The following DOCK1 variants were observed in gnomAD, a reference collection of about 807,000 sequenced individuals.
The protein encoded by DOCK1 is dedicator of cytokinesis 1.
DOCK1 carries 138 observed loss-of-function variants against 262.7 expected under a neutral mutation model. That is an observed-to-expected ratio of 0.53 (90% confidence interval 0.46 to 0.61). The LOEUF is 0.61. Among genes scored for constraint, DOCK1 ranks in the 20% least tolerant of loss-of-function variants. DOCK1 has a pLI of 0.00. For missense variants in DOCK1, 1,908 were observed against 2,370.7 expected, an observed-to-expected ratio of 0.80 and a Z score of 4.05; for synonymous variants, 866 against 867.4, an observed-to-expected ratio of 1.00 and a Z score of 0.03.
chr10:127,292,506 G>A (rs1409844215), intron 29 of DOCK1, among the ~76,000 whole-genome samples: 1 of 152,130 alleles, frequency 6.6e-6, no homozygotes, highest in Non-Finnish European at 1.5e-5. Flanking sequence ...GGAGCTTCAG[G>A]GTAGCATGCC....
At chr10:127,448,475 G>A (rs141084090) in intron 51 of DOCK1, among the ~76,000 whole-genome samples, 20 of 152,258 alleles carry the variant, frequency 1.3e-4, no homozygotes, top group African/African-American at 3.1e-4. Context: ...TCATCCCTGC[G>A]GGTCCCAGCC....
Position 127,127,663 on chromosome 10 carries a change from C to T in DOCK1, c.2752-6C>T, listed in dbSNP as rs1397426665. The T allele has an allele frequency of 1.2e-6, 2 of 1,610,086 alleles. No homozygotes were observed. Among genetic ancestry groups the T allele is most frequent in the Non-Finnish European group, 1.7e-6 (2 of 1,177,064 alleles). ...TGTTGGTGTTCATTGGTGTGTCCTT[C>T]CCCAGGGGCCAACCCAGAGGCACGT... On this transcript the variant is annotated splice_region_variant and splice_polypyrimidine_tract_variant and intron_variant, in intron 26 of 51. Transcript: ENST00000623213.
At chr10:126,921,025 C>T (rs996755281) in intron 1 of DOCK1, among the ~76,000 whole-genome samples, 4 of 152,088 alleles carry the variant, frequency 2.6e-5, no homozygotes, top group South Asian at 2.1e-4. Flanking sequence ...GGTGAAACCC[C>T]GTCTCTACTA....
intron 23 of DOCK1, among the ~76,000 whole-genome samples, chr10:127,104,729 A>G (rs1028738182): frequency 6.6e-6 from 1 of 152,208 alleles, no homozygotes; most frequent in East Asian, 1.9e-4. Context: ...ACACAGGTAG[A>G]AGGTGGCAGA....
At chr10:127,214,277 A>T (rs1483517218) in intron 27 of DOCK1, among the ~76,000 whole-genome samples, 1 of 152,134 alleles carries the variant, frequency 6.6e-6, no homozygotes, top group African/African-American at 2.4e-5. Context: ...CCCCCCGCCC[A>T]GCTGTGCACG....
chr10:127,150,257 T>C (rs908567034), intron 27 of DOCK1, among the ~76,000 whole-genome samples: 2 of 152,212 alleles, frequency 1.3e-5, no homozygotes, highest in Non-Finnish European at 1.5e-5. Context: ...ACTTCTATTC[T>C]TAAGCTTCTG....
intron 23 of DOCK1, among the ~76,000 whole-genome samples, chr10:127,091,707 G>A (rs878899820): frequency 7.2e-5 from 11 of 152,200 alleles, no homozygotes; most frequent in Non-Finnish European, 1.5e-4. Flanking sequence ...AGAGAAGAGC[G>A]TGTCAAAATG....
intron 27 of DOCK1, among the ~76,000 whole-genome samples, chr10:127,223,185 A>G (rs910734854): frequency 6.6e-6 from 1 of 152,202 alleles, no homozygotes; most frequent in Non-Finnish European, 1.5e-5. Context: ...ATTTAGTTTT[A>G]CTAATCTCAA....
At chr10:127,016,116 A>G (rs982102630) in intron 12 of DOCK1, 1 of 152,244 alleles carries the variant, frequency 6.6e-6, no homozygotes, top group African/African-American at 2.4e-5. Flanking sequence ...CCATGGAGTT[A>G]GTGTTTGACC....
intron 27 of DOCK1, among the ~76,000 whole-genome samples, chr10:127,209,100 C>A (rs1394470104): frequency 1.3e-5 from 2 of 152,196 alleles, no homozygotes; most frequent in Admixed American, 1.3e-4. Context: ...TAACTGGAAA[C>A]ACTGAAATTT....
intron 25 of DOCK1, among the ~76,000 whole-genome samples, chr10:127,120,651 G>C (rs2049500587): frequency 6.6e-6 from 1 of 152,112 alleles, no homozygotes; most frequent in Admixed American, 6.6e-5. Flanking sequence ...TGAAAAATGA[G>C]ATTCACATAC....
chr10:127,321,601 A>G (rs565765255), intron 29 of DOCK1, among the ~76,000 whole-genome samples: 7 of 151,652 alleles, frequency 4.6e-5, no homozygotes, highest in South Asian at 4.2e-4. Flanking sequence ...GGTCCCTCCT[A>G]TCCCCAAGGA....
chr10:126,927,594 G>A (rs1591343644), intron 1 of DOCK1, among the ~76,000 whole-genome samples: 1 of 152,050 alleles, frequency 6.6e-6, no homozygotes. Context: ...CCATCACCAT[G>A]CCCAGCCAAT....
intron 27 of DOCK1, among the ~76,000 whole-genome samples, chr10:127,132,473 G>C (rs1431836724): frequency 6.6e-6 from 1 of 152,160 alleles, no homozygotes; most frequent in Non-Finnish European, 1.5e-5. Context: ...TAGAAGCATG[G>C]AGTGAAATAC....
At chr10:127,317,111 C>T (rs568036305) in intron 29 of DOCK1, among the ~76,000 whole-genome samples, 1 of 152,230 alleles carries the variant, frequency 6.6e-6, no homozygotes, top group East Asian at 1.9e-4. Flanking sequence ...TTTTCTGGAC[C>T]CACAGTATGT....
intron 29 of DOCK1, among the ~76,000 whole-genome samples, chr10:127,316,742 G>A (rs549602322): frequency 6.6e-6 from 1 of 152,252 alleles, no homozygotes; most frequent in South Asian, 2.1e-4. Context: ...GAACTGTACA[G>A]ACAAGGCGGA....
chr10:127,207,612 C>T (rs1021251189), intron 27 of DOCK1, among the ~76,000 whole-genome samples: 2 of 152,226 alleles, frequency 1.3e-5, no homozygotes, highest in Non-Finnish European at 2.9e-5. Flanking sequence ...TTATTATCTA[C>T]GTGTTGATTG....
rs1398624024 is a variant in DOCK1, at chr10:126,905,441, C to T, written c.-77C>T. The T allele has an allele frequency of 2.2e-6, 1 of 453,896 alleles. No individual in the cohort carries two copies. Among genetic ancestry groups the T allele is most frequent in the South Asian group, 2.9e-5 (1 of 35,064 alleles). The allele number at this position is 453,896 out of a possible 1,614,324, so 28.1% of individuals were successfully genotyped here. A position where few individuals can be genotyped will look rare whatever the true frequency, so the allele number is the denominator to read the frequency against. On this transcript the variant is annotated 5_prime_UTR_variant, in exon 1 of 52. Coordinates refer to ENST00000623213, the MANE Select transcript of DOCK1 (RefSeq NM_001290223.2). ...GCAAACTTTTTCCTCCCCATCCTGT[C>T]GCGGCTCGAAAGGAATGGAAAATGG...
At chr10:126,994,533 T>C (rs1016692399) in intron 6 of DOCK1, among the ~76,000 whole-genome samples, 1 of 152,198 alleles carries the variant, frequency 6.6e-6, no homozygotes, top group African/African-American at 2.4e-5. Flanking sequence ...TTAAGGAGCA[T>C]GCTGCCTTCA....
Sources: gnomAD v4.1 joint callset for allele counts (sites outside exome capture counted in the v4.1 genomes callset) on GRCh38, gnomAD v4.1.1 for gene constraint, MANE v1.5 for transcripts, NCBI Gene and HGNC (gene_info 2026-07-23, HGNC 2026-07-21) for gene names.